CYFIP1: variants seen among roughly 807,000 people sequenced by gnomAD.
The protein encoded by CYFIP1 is cytoplasmic FMR1 interacting protein 1.
In CYFIP1, 58 loss-of-function variants were observed where a neutral mutation model predicts 163.5. The observed-to-expected ratio is 0.35, with a 90% CI of 0.29 to 0.44. CYFIP1 has a LOEUF of 0.44. Ranked by LOEUF, CYFIP1 falls within the 20% of genes least tolerant of loss-of-function variation. The pLI is 1.00. For missense variants in CYFIP1, 1,338 were observed against 1,653.8 expected, an observed-to-expected ratio of 0.81 and a Z score of 3.31; for synonymous variants, 663 against 660.7, an observed-to-expected ratio of 1.00 and a Z score of -0.05.
At chr15:22,886,191 C>T (rs2059922271) in intron 23 of CYFIP1, among the ~76,000 whole-genome samples, 1 of 152,144 alleles carries the variant, frequency 6.6e-6, no homozygotes, top group African/African-American at 2.4e-5. Context: ...GATCCAATCA[C>T]CTCCCACCAG....
chr15:22,953,953 G>T (rs1344846378), intron 1 of CYFIP1, among the ~76,000 whole-genome samples: 2 of 152,186 alleles, frequency 1.3e-5, no homozygotes, highest in Non-Finnish European at 2.9e-5. Context: ...CTACTCGGGA[G>T]GCTGAGGCAG....
chr15:22,907,168 G>A (rs2060613461), intron 21 of CYFIP1, among the ~76,000 whole-genome samples: 1 of 152,214 alleles, frequency 6.6e-6, no homozygotes, highest in Admixed American at 6.5e-5. Flanking sequence ...TCCAGAGTCA[G>A]CAGGGCCTAC....
intron 1 of CYFIP1, among the ~76,000 whole-genome samples, chr15:22,963,095 T>C (rs778936099): frequency 6.6e-6 from 1 of 152,216 alleles, no homozygotes; most frequent in African/African-American, 2.4e-5. Context: ...TCTTAGGAAA[T>C]AGACACTGAT....
At chr15:22,876,375 A>G (rs1015801025) in intron 26 of CYFIP1, among the ~76,000 whole-genome samples, 2 of 152,090 alleles carry the variant, frequency 1.3e-5, no homozygotes, top group African/African-American at 4.8e-5. Flanking sequence ...CCAGAAGCCA[A>G]CAGAGGGCCA....
intron 22 of CYFIP1, among the ~76,000 whole-genome samples, chr15:22,899,140 G>T (rs2060321454): frequency 6.6e-6 from 1 of 152,072 alleles, no homozygotes; most frequent in African/African-American, 2.4e-5. Flanking sequence ...ACCCAGCCAG[G>T]ATTAGCAATT....
intron 22 of CYFIP1, 72 bp downstream of exon 22, chr15:22,903,634 T>C (rs2060471013): frequency 1.3e-6 from 2 of 1,509,906 alleles, no homozygotes; most frequent in Non-Finnish European, 9.1e-7. Context: ...CCTGGTGACA[T>C]GGAGGAAGCC....
At chr15:22,979,737 A>G (rs903304746) in intron 1 of CYFIP1, among the ~76,000 whole-genome samples, 3 of 152,160 alleles carry the variant, frequency 2.0e-5, no homozygotes, top group African/African-American at 7.2e-5. Context: ...CCTCCTTAAC[A>G]AAGCCCAAAA....
At position 22,917,583 on chromosome 15, in the gene CYFIP1, T is replaced by A; in HGVS notation, c.1674+205A>T. ...ACTCCTTTTTAGTGCACATGACACATCTGACAATCAAGGCACGTCTCCTCA... is the reference window on the plus strand; with the variant it reads ...ACTCCTTTTTAGTGCACATGACACAACTGACAATCAAGGCACGTCTCCTCA... On this transcript the variant is annotated intron_variant, in intron 15 of 30. Transcript: ENST00000617928. The surrounding 1 kb of genome is among the most constrained non-coding windows in gnomAD (Gnocchi z 4.2). 1 of 642,018 alleles carries A rather than the reference T, an allele frequency of 1.6e-6. No homozygotes were observed. Among genetic ancestry groups the A allele is most frequent in the Admixed American group, 3.5e-5 (1 of 28,240 alleles). The allele number at this position is 642,018 out of a possible 1,614,324, so 39.8% of individuals were successfully genotyped here. A position where few individuals can be genotyped will look rare whatever the true frequency, so the allele number is the denominator to read the frequency against.
At chr15:22,902,606 T>A (rs1217613414) in intron 22 of CYFIP1, among the ~76,000 whole-genome samples, 1 of 152,178 alleles carries the variant, frequency 6.6e-6, no homozygotes, top group Non-Finnish European at 1.5e-5. Flanking sequence ...ATGGACACCA[T>A]AAAGGTGAGT....
At chr15:22,925,885 G>C in intron 13 of CYFIP1, 97 bp downstream of exon 13, 1 of 1,537,798 alleles carries the variant, frequency 6.5e-7, no homozygotes, top group Non-Finnish European at 8.8e-7. Flanking sequence ...GAAGCAATGA[G>C]TAAACAGGCA....
At chr15:22,894,004 G>A (rs1297234220) in intron 22 of CYFIP1, among the ~76,000 whole-genome samples, 2 of 152,114 alleles carry the variant, frequency 1.3e-5, no homozygotes, top group Non-Finnish European at 2.9e-5. Flanking sequence ...TCAGGGTGAT[G>A]CTCAGAAAAG....
chr15:22,914,154 G>A (rs953740668), intron 17 of CYFIP1, among the ~76,000 whole-genome samples: 2 of 152,248 alleles, frequency 1.3e-5, no homozygotes, highest in East Asian at 3.9e-4. Flanking sequence ...GTCAGAGGCT[G>A]TGTCACACAA....
rs1181767276 is a variant in CYFIP1, at chr15:22,927,966, G to T, written c.1173C>A (p.Phe391Leu). ...QKTDAEYRKL[F>L]DLALQGLQLL... ...GCTGCAGGCCCTGCAGCGCCAGGTC[G>T]AAGAGCTTGCGGTACTCCGCGTCCG... is the stretch of plus-strand genomic sequence containing the variant. The change falls in exon 12 of 31, where the codon TTC becomes TTA. Residue 391 changes from phenylalanine to leucine, a missense_variant. This residue lies in a region of CYFIP1 where 824 missense variants were observed against 995.7 expected (regional missense o/e 0.83). Coordinates refer to ENST00000617928, the MANE Select transcript of CYFIP1 (RefSeq NM_014608.6). 5.0e-6 allele frequency: 8 copies of T among 1,604,850 alleles called. No homozygotes were observed. The highest frequency in any genetic ancestry group is 4.5e-5 in the South Asian group (4 of 89,828).
chr15:22,922,752 G>A (rs2061227685), intron 13 of CYFIP1, among the ~76,000 whole-genome samples: 1 of 152,220 alleles, frequency 6.6e-6, no homozygotes, highest in Non-Finnish European at 1.5e-5. Context: ...ACCACTTTGG[G>A]AGGCAAAGGC....
At chr15:22,978,399 A>G (rs1048560233) in intron 1 of CYFIP1, among the ~76,000 whole-genome samples, 2 of 143,534 alleles carry the variant, frequency 1.4e-5, no homozygotes, top group East Asian at 4.3e-4. Context: ...CTATACGGTT[A>G]TTTAAAAGAT....
chr15:22,883,045 C>T (rs2059814817), intron 23 of CYFIP1, 34 bp from the exon 24 acceptor site: 1 of 1,607,204 alleles, frequency 6.2e-7, no homozygotes, highest in Non-Finnish European at 8.5e-7. Context: ...TCAGCATGGT[C>T]CCCGCACACA....
chr15:22,922,818 C>T (rs565950679), intron 13 of CYFIP1, among the ~76,000 whole-genome samples: 1 of 151,994 alleles, frequency 6.6e-6, no homozygotes, highest in African/African-American at 2.4e-5. Context: ...ATGGTGAAAC[C>T]CTGTCTCTAC....
At chr15:22,901,888 TGCA>T (rs1169164937) in intron 22 of CYFIP1, among the ~76,000 whole-genome samples, 3 of 152,164 alleles carry the variant, frequency 2.0e-5, no homozygotes, top group African/African-American at 7.2e-5. Context: ...TTGTGGGAAA[TGCA>T]GACACAATGG....
chr15:22,908,309 A>C (rs150356754), intron 21 of CYFIP1, among the ~76,000 whole-genome samples: 1,744 of 152,166 alleles, frequency 0.011, 22 homozygotes, highest in African/African-American at 0.04. Context: ...GAGACAGCCG[A>C]AAAATGGGTG....
Sources: allele counts gnomAD v4.1 joint callset (sites outside exome capture counted in the v4.1 genomes callset), GRCh38; gene constraint gnomAD v4.1.1; regional missense constraint gnomAD v4.1.1; non-coding constraint Gnocchi (gnomAD v3.1); transcripts MANE v1.5; gene names NCBI Gene and HGNC (gene_info 2026-07-23, HGNC 2026-07-21).